The following SLC39A12 variants were observed in gnomAD, a reference collection of about 807,000 sequenced individuals.
SLC39A12 encodes solute carrier family 39 member 12.
Under a neutral mutation model 71.1 loss-of-function variants are expected in SLC39A12, and 63 were observed. That is an observed-to-expected ratio of 0.89 (90% CI 0.72 to 1.09). SLC39A12 has a LOEUF of 1.09. Ranked by LOEUF, SLC39A12 falls within the 50% of genes least tolerant of loss-of-function variation. The pLI is 0.00. For synonymous variants in SLC39A12, 351 were observed against 301.3 expected, an observed-to-expected ratio of 1.16 and a Z score of -1.71; for missense variants, 892 against 812.6, an observed-to-expected ratio of 1.10 and a Z score of -1.19.
chr10:17,995,739 A>C lies in SLC39A12; in HGVS notation c.1600+17A>C. On this transcript the variant is annotated intron_variant, in intron 10 of 12. Transcript: ENST00000377369. The stretch of plus-strand genomic sequence containing the variant: ...ACAGAAAATGTGAGTACCAAGCTAA[A>C]CTTTACATGTGGAAAGTGCCATAGA... The C allele has an allele frequency of 6.2e-7, 1 of 1,603,896 alleles. No homozygotes were observed.
intron 12 of SLC39A12, among the ~76,000 whole-genome samples, chr10:18,015,176 G>A (rs1403849255): frequency 6.6e-6 from 1 of 151,964 alleles, no homozygotes; most frequent in Admixed American, 6.6e-5. Flanking sequence ...TATTAGGTTG[G>A]GCAAAAACTG....
At chr10:18,012,967 A>G (rs929839434) in intron 12 of SLC39A12, among the ~76,000 whole-genome samples, 2 of 151,720 alleles carry the variant, frequency 1.3e-5, no homozygotes, top group Non-Finnish European at 2.9e-5. Context: ...ATGCTCAGGG[A>G]CTTTGAGATC....
In SLC39A12 at chr10:18,019,492, A is replaced by G. The variant is rs1278083982; in HGVS notation, c.1947+16134A>G. Among the ~76,000 whole-genome samples the G allele has an allele frequency of 2.0e-5, 3 of 151,684 alleles. No homozygotes were observed. The East Asian group carries it at 5.8e-4, about 29-fold the overall frequency. On this transcript the variant is annotated intron_variant, in intron 12 of 12. Coordinates refer to ENST00000377369, the MANE Select transcript of SLC39A12 (RefSeq NM_001145195.2). Reference sequence around the variant, plus strand: ...AGGAAGCTTTGAATTCTGAGTTTAGATCTTTATTCCTTTCTGATATATATA... The same window carrying G: ...AGGAAGCTTTGAATTCTGAGTTTAGGTCTTTATTCCTTTCTGATATATATA...
At chr10:17,960,497 T>C (rs781864343) in intron 2 of SLC39A12, among the ~76,000 whole-genome samples, 1 of 152,232 alleles carries the variant, frequency 6.6e-6, no homozygotes, top group African/African-American at 2.4e-5. Flanking sequence ...GAGGGGCAGA[T>C]GGAAGTCATT....
chr10:18,032,256 C>T (rs1298993653), intron 12 of SLC39A12, among the ~76,000 whole-genome samples: 2 of 118,548 alleles, frequency 1.7e-5, no homozygotes, highest in African/African-American at 3.7e-5. Context: ...GCCATTTTCA[C>T]GATATTGATT....
intron 12 of SLC39A12, among the ~76,000 whole-genome samples, chr10:18,036,792 A>ATTTTTT (rs1176352939): frequency 1.8e-4 from 15 of 84,610 alleles, no homozygotes; most frequent in East Asian, 4.3e-4. Flanking sequence ...ATATATATAT[A>ATTTTTT]TATTTTTTTT....
intron 12 of SLC39A12, among the ~76,000 whole-genome samples, chr10:18,041,355 G>T (rs1233375583): frequency 6.6e-6 from 1 of 151,618 alleles, no homozygotes; most frequent in African/African-American, 2.4e-5. Flanking sequence ...AATTAGCCGA[G>T]TGTGGCAGCA....
intron 9 of SLC39A12, among the ~76,000 whole-genome samples, chr10:17,994,043 G>A (rs572606231): frequency 7.2e-5 from 11 of 152,106 alleles, no homozygotes; most frequent in African/African-American, 9.7e-5. Flanking sequence ...TTCAGATCTC[G>A]TGCTAACTCA....
intron 5 of SLC39A12, among the ~76,000 whole-genome samples, chr10:17,979,826 C>T (rs979623634): frequency 6.6e-6 from 1 of 152,134 alleles, no homozygotes; most frequent in African/African-American, 2.4e-5. Context: ...CCAAGAGGCA[C>T]CATCTGTGGC....
At chr10:18,028,285 G>T (rs998381980) in intron 12 of SLC39A12, among the ~76,000 whole-genome samples, 3 of 152,184 alleles carry the variant, frequency 2.0e-5, no homozygotes, top group Non-Finnish European at 2.9e-5. Context: ...ATTTTTATCA[G>T]TGAAAGCTCT....
chr10:18,029,195 T>C (rs561304945), intron 12 of SLC39A12, among the ~76,000 whole-genome samples: 24 of 152,290 alleles, frequency 1.6e-4, no homozygotes, highest in African/African-American at 5.5e-4. Context: ...AATGTCACTT[T>C]CTAAAATGTT....
At chr10:17,991,045 A>G (rs774350285) in intron 7 of SLC39A12, 106 bp from the exon 8 acceptor site, 2 of 1,146,606 alleles carry the variant, frequency 1.7e-6, no homozygotes, top group Non-Finnish European at 2.3e-6. Context: ...ATTTCCCAGA[A>G]TGAAAATTAA....
chr10:18,024,787 C>G (rs1018580954), intron 12 of SLC39A12, among the ~76,000 whole-genome samples: 2 of 152,112 alleles, frequency 1.3e-5, no homozygotes, highest in Non-Finnish European at 2.9e-5. Context: ...TTAATGCTGT[C>G]TTGGTAGGTA....
rs572274024 is a variant in SLC39A12 at position 18,022,434 on chromosome 10, T to C, written c.1947+19076T>C. On this transcript the variant is annotated intron_variant, in intron 12 of 12. Coordinates refer to ENST00000377369, the MANE Select transcript of SLC39A12 (RefSeq NM_001145195.2). The stretch of plus-strand genomic sequence containing the variant: ...TGGTCTGTTCTGCTGTCAATACTTC[T>C]GATTGTGTTATGAAATTTATATAGT... Among the ~76,000 whole-genome samples the C allele has an allele frequency of 1.7e-3, 254 of 152,324 alleles. 1 individual carries two copies. Among genetic ancestry groups the C allele is most frequent in the African/African-American group, 5.7e-3 (236 of 41,580 alleles).
intron 7 of SLC39A12, among the ~76,000 whole-genome samples, chr10:17,988,580 A>AAT (rs1835463716): frequency 6.6e-6 from 1 of 152,164 alleles, no homozygotes; most frequent in East Asian, 1.9e-4. Flanking sequence ...GCAACACAAA[A>AAT]ATGGCCTAAT....
At chr10:18,018,697 T>G (rs1836450670) in intron 12 of SLC39A12, among the ~76,000 whole-genome samples, 1 of 152,208 alleles carries the variant, frequency 6.6e-6, no homozygotes, top group African/African-American at 2.4e-5. Context: ...TATCCAAATG[T>G]TGAATCAGCC....
At chr10:18,013,847 C>T (rs1836302618) in intron 12 of SLC39A12, among the ~76,000 whole-genome samples, 1 of 152,156 alleles carries the variant, frequency 6.6e-6, no homozygotes, top group African/African-American at 2.4e-5. Context: ...GTAGCCAGTA[C>T]CACACTCATC....
At chr10:17,999,834 C>T (rs1835783601) in intron 10 of SLC39A12, among the ~76,000 whole-genome samples, 1 of 152,204 alleles carries the variant, frequency 6.6e-6, no homozygotes, top group Non-Finnish European at 1.5e-5. Context: ...GAATGGGGCG[C>T]TTCAGGGAAG....
Position 17,978,081 on chromosome 10 carries a change from C to T in SLC39A12, c.924+7C>T. On this transcript the variant is annotated splice_region_variant and intron_variant, in intron 5 of 12. Transcript: ENST00000377369. ...TCCAGTTTCCTGGGATCAGGTATTG[C>T]CATTGTTTCTCTTATTCAAGCATTT... 9 of 1,545,738 alleles carry T rather than the reference C, an allele frequency of 5.8e-6. No individual in the cohort carries two copies. Among genetic ancestry groups the T allele is most frequent in the Non-Finnish European group, 6.9e-6 (8 of 1,153,692 alleles).
Sources: gnomAD v4.1 joint callset for allele counts (sites outside exome capture counted in the v4.1 genomes callset) on GRCh38, gnomAD v4.1.1 for gene constraint, MANE v1.5 for transcripts, NCBI Gene and HGNC (gene_info 2026-07-23, HGNC 2026-07-21) for gene names.